The following AEBP2 variants were observed in gnomAD, a reference collection of about 807,000 sequenced individuals.
AEBP2 encodes AE binding protein 2, also known as zinc finger protein AEBP2.
AEBP2 carries 10 observed loss-of-function variants against 50.8 expected under a neutral mutation model. The observed-to-expected ratio is 0.20, with a 90% CI of 0.12 to 0.33. The LOEUF (loss-of-function observed/expected upper bound fraction) is 0.33. AEBP2 is among the 10% of genes least tolerant of loss of function. The pLI, the probability that AEBP2 is intolerant of heterozygous loss-of-function variation, is 1.00. For missense variants in AEBP2, 570 were observed against 688.0 expected, an observed-to-expected ratio of 0.83 and a Z score of 1.92; for synonymous variants, 296 against 261.3, an observed-to-expected ratio of 1.13 and a Z score of -1.28.
chr12:19,440,237 G>C lies in AEBP2; in HGVS notation c.538G>C (p.Val180Leu). ...CGGGGGCGGCAGCAGTAGCAGCAGC[G>C]TAGTCTCCAGCGGCGGCGACGAGGG... Reference protein sequence around the residue: ...GGGGGSSSSSVVSSGGDEGYG... With the variant: ...GGGGGSSSSSLVSSGGDEGYG... Residue 180 changes from valine (V) to leucine (L), a missense_variant, in exon 1 of 8, where the codon GTA becomes CTA. By Grantham distance (32) the Val-to-Leu change is conservative. Coordinates refer to ENST00000266508, the MANE Select transcript of AEBP2 (RefSeq NM_153207.5). 6.8e-7 allele frequency: 1 copy of C among 1,474,602 alleles called. No homozygotes were observed. The highest frequency in any genetic ancestry group is 8.9e-7 in the Non-Finnish European group (1 of 1,125,634). 91.3% of individuals were successfully genotyped at this position (1,474,602 alleles called of 1,614,324 possible).
intron 2 of AEBP2, among the ~76,000 whole-genome samples, chr12:19,464,896 G>C (rs1006946071): frequency 1.1e-4 from 17 of 151,608 alleles, no homozygotes; most frequent in Non-Finnish European, 2.2e-4. Context: ...GGCCAAGACT[G>C]GTTTTTAAAA....
chr12:19,416,071 A>G (rs1470720788), intron 1 of AEBP2, among the ~76,000 whole-genome samples: 1 of 152,176 alleles, frequency 6.6e-6, no homozygotes, highest in Admixed American at 6.5e-5. Flanking sequence ...GGTCTCAACT[A>G]CTTGGGAGGC....
chr12:19,416,531 G>A (rs965325292), intron 1 of AEBP2, among the ~76,000 whole-genome samples: 1 of 151,472 alleles, frequency 6.6e-6, no homozygotes, highest in South Asian at 2.1e-4. Flanking sequence ...TCAGGCTCCC[G>A]AGTAGCTGGG....
chr12:19,501,804 T>TTTTTG (rs1460704888), intron 5 of AEBP2, among the ~76,000 whole-genome samples: 2 of 138,612 alleles, frequency 1.4e-5, no homozygotes, highest in South Asian at 2.3e-4. Context: ...TTTGTTTTTT[T>TTTTTG]TTTTTTTTTT....
intron 2 of AEBP2, among the ~76,000 whole-genome samples, chr12:19,470,823 G>A (rs1292545949): frequency 2.6e-5 from 4 of 152,172 alleles, no homozygotes; most frequent in African/African-American, 9.7e-5. Context: ...GTATTTCAGA[G>A]TAGGGCGGGG....
intron 3 of AEBP2, among the ~76,000 whole-genome samples, chr12:19,492,405 G>T (rs1355122078): frequency 6.6e-6 from 1 of 151,958 alleles, no homozygotes; most frequent in Non-Finnish European, 1.5e-5. Context: ...CAGGTGACTC[G>T]GGTAGTTAAC....
intron 1 of AEBP2, 74 bp downstream of exon 1, chr12:19,440,444 G>C (rs1186741166): frequency 7.0e-7 from 1 of 1,427,598 alleles, no homozygotes; most frequent in African/African-American, 1.4e-5. Flanking sequence ...GGACCAAGGC[G>C]ACGTTTTGCC....
upstream of AEBP2, among the ~76,000 whole-genome samples, chr12:19,439,341 G>C (rs1205337626): frequency 1.4e-5 from 2 of 144,528 alleles, no homozygotes; most frequent in Non-Finnish European, 3.1e-5. Context: ...CAGGGCGTGG[G>C]AAGGCCCCGA....
intron 1 of AEBP2, among the ~76,000 whole-genome samples, chr12:19,459,643 T>C (rs1204105661): frequency 6.6e-6 from 1 of 152,224 alleles, no homozygotes; most frequent in Non-Finnish European, 1.5e-5. Context: ...TATTCAGATA[T>C]TCAAGAGCTG....
intron 5 of AEBP2, among the ~76,000 whole-genome samples, chr12:19,504,274 G>A (rs1002450425): frequency 4.0e-5 from 6 of 149,506 alleles, no homozygotes; most frequent in Admixed American, 6.7e-5. Flanking sequence ...TTGCTCTGTC[G>A]CCCAGGCTGG....
chr12:19,498,496 T>C (rs1451647905), intron 4 of AEBP2, among the ~76,000 whole-genome samples: 1 of 152,168 alleles, frequency 6.6e-6, no homozygotes, highest in Non-Finnish European at 1.5e-5. Context: ...CCATAAAAGC[T>C]ATGGTGGATT....
At position 19,518,562 on chromosome 12, in the gene AEBP2, T is replaced by C; in HGVS notation, c.*445T>C. Reference sequence around the variant, plus strand: ...AGGATATTTGTCTTGACAGTGTTTATTGATTTGAAGTCATATTAGGAAATA... The same window carrying C: ...AGGATATTTGTCTTGACAGTGTTTACTGATTTGAAGTCATATTAGGAAATA... On this transcript the variant is annotated 3_prime_UTR_variant, in exon 8 of 8. Transcript: ENST00000266508. The C allele has an allele frequency of 7.5e-7, 1 of 1,331,836 alleles. No homozygotes were observed. Among genetic ancestry groups the C allele is most frequent in the Admixed American group, 2.8e-5 (1 of 36,190 alleles). 82.5% of individuals were successfully genotyped at this position (1,331,836 alleles called of 1,614,324 possible).
intron 1 of AEBP2, among the ~76,000 whole-genome samples, chr12:19,423,768 G>A (rs1041104415): frequency 1.3e-5 from 2 of 152,124 alleles, no homozygotes; most frequent in Middle Eastern, 3.2e-3. Flanking sequence ...TTGAACCCCC[G>A]AGACGGAGGC....
intron 1 of AEBP2, among the ~76,000 whole-genome samples, chr12:19,417,099 C>T (rs2095743015): frequency 6.6e-6 from 1 of 150,656 alleles, no homozygotes; most frequent in East Asian, 2.0e-4. Context: ...TCTCGATCTC[C>T]TGATCTCATG....
In AEBP2 at chr12:19,440,260, G is replaced by T. The variant is rs1256248950; in HGVS notation, c.561G>T (p.Glu187Asp). Residue 187 changes from glutamate (E) to aspartate (D), a missense_variant, in exon 1 of 8, where the codon GAG becomes GAT. Physicochemically the swap from Glu to Asp is conservative, Grantham distance 45 (BLOSUM62 2). Transcript: ENST00000266508. ...GCGTAGTCTCCAGCGGCGGCGACGA[G>T]GGCTACGGGACTGGGGGAGGCGGAA... is the stretch of plus-strand genomic sequence containing the variant. ...SSSVVSSGGDEGYGTGGGGSS... is the reference protein window; with the variant it reads ...SSSVVSSGGDDGYGTGGGGSS... 1 of 1,470,684 alleles carries T rather than the reference G, an allele frequency of 6.8e-7. No individual in the cohort carries two copies. The highest frequency in any genetic ancestry group is 8.9e-7 in the Non-Finnish European group (1 of 1,121,944). 91.1% of individuals were successfully genotyped at this position (1,470,684 alleles called of 1,614,324 possible).
chr12:19,464,019 G>A (rs1383843439), intron 2 of AEBP2, among the ~76,000 whole-genome samples: 1 of 152,150 alleles, frequency 6.6e-6, no homozygotes, highest in Non-Finnish European at 1.5e-5. Flanking sequence ...TAATGTGTCA[G>A]CAGTTTTTTG....
intron 5 of AEBP2, among the ~76,000 whole-genome samples, chr12:19,502,534 AG>A (rs1398776472): frequency 6.6e-6 from 1 of 152,128 alleles, no homozygotes; most frequent in Non-Finnish European, 1.5e-5. Context: ...TTATTGAATT[AG>A]GGAGTCCTTT....
intron 1 of AEBP2, among the ~76,000 whole-genome samples, chr12:19,412,762 C>T (rs975739386): frequency 2.6e-5 from 4 of 152,196 alleles, no homozygotes; most frequent in South Asian, 4.2e-4. Context: ...CCTAAGAGAG[C>T]GTTCTTGGAT....
intron 5 of AEBP2, among the ~76,000 whole-genome samples, chr12:19,501,800 T>G (rs1469614253): frequency 8.5e-6 from 1 of 117,224 alleles, no homozygotes; most frequent in African/African-American, 4.6e-5. Context: ...TGAGTTTGTT[T>G]TTTTTTTTTT....
Sources: allele counts gnomAD v4.1 joint callset (sites outside exome capture counted in the v4.1 genomes callset), GRCh38; gene constraint gnomAD v4.1.1; transcripts MANE v1.5; gene names NCBI Gene and HGNC (gene_info 2026-07-23, HGNC 2026-07-21).